CYLD: variants seen among roughly 807,000 people sequenced by gnomAD.
CYLD encodes CYLD lysine 63 deubiquitinase, also known as ubiquitin carboxyl-terminal hydrolase CYLD.
In CYLD, 26 loss-of-function variants were observed where a neutral mutation model predicts 104.5. That is an observed-to-expected ratio of 0.25 (90% CI 0.18 to 0.35). CYLD has a LOEUF of 0.35. CYLD is among the 10% of genes least tolerant of loss of function. The pLI, the probability that CYLD is intolerant of heterozygous loss-of-function variation, is 1.00. For missense variants in CYLD, 703 were observed against 1,136.1 expected (o/e 0.62, Z 5.48); for synonymous variants, 385 against 399.9 (o/e 0.96, Z 0.45).
At position 50,781,314 on chromosome 16, in the gene CYLD, G is replaced by A. The variant is rs756244276; in HGVS notation, c.1587G>A (p.Lys529=). 1.2e-6 allele frequency: 2 copies of A among 1,613,984 alleles called. No homozygotes were observed. Among genetic ancestry groups the A allele is most frequent in the Admixed American group, 1.7e-5 (1 of 60,018 alleles). ...CTCGGTATTTCACCTGTGCCCTGAA[G>A]AAGGCGCTGTTTGTGAAACTGAAGA... The part of the protein sequence containing the change: ...RGTRYFTCAL[K]KALFVKLKSC... The change falls in exon 10 of 19, where the codon AAG becomes AAA. Residue 529 remains lysine, a synonymous_variant. Transcript: ENST00000427738.
intron 8 of CYLD, 45 bp downstream of exon 8, chr16:50,777,986 A>G: frequency 9.0e-7 from 1 of 1,108,472 alleles, no homozygotes; most frequent in Non-Finnish European, 1.4e-6. Flanking sequence ...CTTTCTTTCT[A>G]ACTCATCAGA....
intron 11 of CYLD, among the ~76,000 whole-genome samples, chr16:50,783,353 A>T (rs1474014307): frequency 1.3e-5 from 2 of 152,238 alleles, no homozygotes; most frequent in African/African-American, 4.8e-5. Flanking sequence ...GATAAGAATT[A>T]GGAAGTTAAT....
In CYLD at chr16:50,786,864, T is replaced by C. The variant is rs747654303; in HGVS notation, c.1959T>C (p.Tyr653=). Reference sequence around the variant, plus strand: ...TTTTTTACTAACTTAGATATGGATATGTGTGTGCCACAAAAATTATGAAAC... The same window carrying C: ...TTTTTTACTAACTTAGATATGGATACGTGTGTGCCACAAAAATTATGAAAC... ...EIVNPLRIYG[Y]VCATKIMKLR... The change falls in exon 13 of 19, where the codon TAT becomes TAC. Residue 653 remains tyrosine (Y), a synonymous_variant. Coordinates refer to ENST00000427738, the MANE Select transcript of CYLD (RefSeq NM_001378743.1). 2 of 1,612,004 alleles carry C rather than the reference T, an allele frequency of 1.2e-6. No individual in the cohort carries two copies. Among genetic ancestry groups the C allele is most frequent in the Non-Finnish European group, 1.7e-6 (2 of 1,178,126 alleles).
chr16:50,789,245 A>C (rs1026123738), intron 14 of CYLD, among the ~76,000 whole-genome samples: 1 of 152,182 alleles, frequency 6.6e-6, no homozygotes, highest in African/African-American at 2.4e-5. Flanking sequence ...TTCAAACAGA[A>C]ATGGGAAAGG....
chr16:50,775,980 A>C (rs1455117810), intron 6 of CYLD, among the ~76,000 whole-genome samples, 199 bp from the exon 7 acceptor site: 2 of 152,212 alleles, frequency 1.3e-5, no homozygotes, highest in African/African-American at 4.8e-5. Flanking sequence ...TAGAAATTAC[A>C]TTTTGAAATA....
rs183024011 is a variant in CYLD at position 50,800,588 on chromosome 16, T to C, written c.*4080T>C. Reference sequence around the variant, plus strand: ...GGATATTTTCTTCCCCTTTTATTTATTTAGAGGAAATTGAGATTCTAGGAG... The same window carrying C: ...GGATATTTTCTTCCCCTTTTATTTACTTAGAGGAAATTGAGATTCTAGGAG... On this transcript the variant is annotated 3_prime_UTR_variant, in exon 19 of 19. Coordinates refer to ENST00000427738, the MANE Select transcript of CYLD (RefSeq NM_001378743.1). The C allele has an allele frequency of 4.3e-6, 1 of 232,818 alleles. No homozygotes were observed. Among genetic ancestry groups the C allele is most frequent in the Admixed American group, 5.6e-5 (1 of 17,786 alleles). 14.4% of individuals were successfully genotyped at this position (232,818 alleles called of 1,614,324 possible).
chr16:50,755,124 T>C (rs372106942), intron 5 of CYLD, among the ~76,000 whole-genome samples: 2 of 127,726 alleles, frequency 1.6e-5, no homozygotes, highest in South Asian at 2.5e-4. Flanking sequence ...TACACATGTG[T>C]ATATATACAC....
At position 50,749,648 on chromosome 16, in the gene CYLD, G is replaced by A. The variant is rs751788663; in HGVS notation, c.-51G>A. 12 of 1,586,064 alleles carry A rather than the reference G, an allele frequency of 7.6e-6. No individual in the cohort carries two copies. The highest frequency in any genetic ancestry group is 2.2e-5 in the South Asian group (2 of 89,494). ...TTATCTTTTGCGGTTTTATGACAAAGTTATTAGTAGTTTCCCTTTTTTGAA... is the reference window on the plus strand; with the variant it reads ...TTATCTTTTGCGGTTTTATGACAAAATTATTAGTAGTTTCCCTTTTTTGAA... On this transcript the variant is annotated 5_prime_UTR_variant, in exon 3 of 19. Coordinates refer to ENST00000427738, the MANE Select transcript of CYLD (RefSeq NM_001378743.1).
At position 50,748,136 on chromosome 16, in the gene CYLD, A is replaced by G. The variant is rs367741256; in HGVS notation, c.-123-1440A>G. ...TATGATAGTGCTATCAATTGCAGCC[A>G]TTACCCAGAATAATGGAAATGGATA... is the stretch of plus-strand genomic sequence containing the variant. On this transcript the variant is annotated intron_variant, in intron 2 of 18. Transcript: ENST00000427738. Among the ~76,000 whole-genome samples, 88 of 152,348 alleles carry G rather than the reference A, an allele frequency of 5.8e-4. 1 individual carries two copies. Among genetic ancestry groups the G allele is most frequent in the African/African-American group, 2.1e-3 (87 of 41,586 alleles).
chr16:50,780,150 G>A, intron 9 of CYLD, 106 bp downstream of exon 9: 1 of 1,340,866 alleles, frequency 7.5e-7, no homozygotes, highest in Non-Finnish European at 1.1e-6. Flanking sequence ...TGTCAGAAAA[G>A]CTATCACTGC....
intron 17 of CYLD, 119 bp downstream of exon 17, chr16:50,793,783 C>A: frequency 1.3e-6 from 1 of 779,320 alleles, no homozygotes; most frequent in Non-Finnish European, 2.3e-6. Context: ...TAAAAATTCA[C>A]AATAAAATGG....
intron 4 of CYLD, 129 bp from the exon 5 acceptor site, chr16:50,754,190 C>A (rs529874512): frequency 1.4e-6 from 1 of 705,140 alleles, no homozygotes; most frequent in Admixed American, 2.3e-5. Context: ...TGTATTCTTT[C>A]TTTCTTTTAG....
rs1972185804 is a variant in CYLD at position 50,798,013 on chromosome 16, CA to C, written c.*1506del. On this transcript the variant is annotated 3_prime_UTR_variant, in exon 19 of 19. Transcript: ENST00000427738. ...TGGGGTGGTGAGATGATGATTAGAT[CA>C]GGGGTGAGGCTGAGAGACTCTGGGT... 4 of 232,268 alleles carry C rather than the reference CA, an allele frequency of 1.7e-5. No individual in the cohort carries two copies. The highest frequency in any genetic ancestry group is 1.8e-4 in the South Asian group (1 of 5,520). 14.4% of individuals were successfully genotyped at this position (232,268 alleles called of 1,614,324 possible).
chr16:50,789,374 G>A (rs114479263), intron 14 of CYLD, among the ~76,000 whole-genome samples: 1,944 of 152,204 alleles, frequency 0.013, 48 homozygotes, highest in African/African-American at 0.044. Flanking sequence ...TGTTTTCATC[G>A]TTTTTACCCT....
At chr16:50,775,534 A>C (rs1171518272) in intron 6 of CYLD, among the ~76,000 whole-genome samples, 1 of 152,222 alleles carries the variant, frequency 6.6e-6, no homozygotes, top group East Asian at 1.9e-4. Context: ...AAAAACAGAT[A>C]TATGTTCTTA....
chr16:50,785,022 A>G (rs981268056), intron 12 of CYLD: 1 of 154,076 alleles, frequency 6.5e-6, no homozygotes, highest in African/African-American at 2.4e-5. Flanking sequence ...AGGAATTATA[A>G]ATATGTCTTT....
intron 5 of CYLD, among the ~76,000 whole-genome samples, chr16:50,774,699 C>A (rs1459192908): frequency 2.0e-5 from 3 of 152,104 alleles, no homozygotes; most frequent in African/African-American, 7.2e-5. Flanking sequence ...TAGGATGGTG[C>A]AAGATTTCGT....
chr16:50,798,036 G>A lies in CYLD; in HGVS notation c.*1528G>A, dbSNP rs1229431563. The A allele has an allele frequency of 4.3e-6, 1 of 232,446 alleles. No individual in the cohort carries two copies. The highest frequency in any genetic ancestry group is 5.6e-5 in the Admixed American group (1 of 17,770). The allele number at this position is 232,446 out of a possible 1,614,324, so 14.4% of individuals were successfully genotyped here. On this transcript the variant is annotated 3_prime_UTR_variant, in exon 19 of 19. Transcript: ENST00000427738. ...ATCAGGGGTGAGGCTGAGAGACTCT[G>A]GGTTTAGGGCTAGCCCTGCCTCCAT...
intron 4 of CYLD, among the ~76,000 whole-genome samples, chr16:50,752,993 G>A (rs1966753155): frequency 6.6e-6 from 1 of 152,164 alleles, no homozygotes; most frequent in Non-Finnish European, 1.5e-5. Context: ...AATGAGTTAG[G>A]AGGCGATGTG....
Sources: allele counts gnomAD v4.1 joint callset (sites outside exome capture counted in the v4.1 genomes callset), GRCh38; gene constraint gnomAD v4.1.1; transcripts MANE v1.5; gene names NCBI Gene and HGNC (gene_info 2026-07-23, HGNC 2026-07-21).